FAM114A1: variants seen among roughly 807,000 people sequenced by gnomAD.
The protein encoded by FAM114A1 is protein NOXP20.
FAM114A1 carries 62 observed loss-of-function variants against 64.3 expected under a neutral mutation model. The observed-to-expected ratio is 0.96, with a 90% CI of 0.79 to 1.19. The LOEUF (loss-of-function observed/expected upper bound fraction) is 1.19, where lower values mean the gene tolerates loss of function less well. Among genes scored for constraint, FAM114A1 ranks in the 50% most tolerant of loss-of-function variants. FAM114A1 has a pLI of 0.00. For synonymous variants in FAM114A1, 254 were observed against 251.1 expected (o/e 1.01, Z -0.11); for missense variants, 645 against 676.3 (o/e 0.95, Z 0.51).
At position 38,944,295 on chromosome 4, in the gene FAM114A1, C is replaced by T. The variant is rs2109826951; in HGVS notation, c.*738C>T. 1 of 152,186 alleles carries T rather than the reference C, an allele frequency of 6.6e-6. No individual in the cohort carries two copies. Among genetic ancestry groups the T allele is most frequent in the Middle Eastern group, 3.4e-3 (1 of 294 alleles). 9.4% of individuals were successfully genotyped at this position (152,186 alleles called of 1,614,324 possible). ...CCATGTTGGCCAGGATGGTCTCGATCTCCTGACCTCGTGATCTGCCCGCCT... is the reference window on the plus strand; with the variant it reads ...CCATGTTGGCCAGGATGGTCTCGATTTCCTGACCTCGTGATCTGCCCGCCT... On this transcript the variant is annotated 3_prime_UTR_variant, in exon 15 of 15. Transcript: ENST00000358869.
At chr4:38,909,416 T>C (rs566301121) in intron 7 of FAM114A1, among the ~76,000 whole-genome samples, 1 of 152,316 alleles carries the variant, frequency 6.6e-6, no homozygotes, top group Non-Finnish European at 1.5e-5. Flanking sequence ...TCTCTTGATA[T>C]GTGCAAGGAT....
At chr4:38,883,036 A>T (rs1715451015) in intron 3 of FAM114A1, among the ~76,000 whole-genome samples, 1 of 152,210 alleles carries the variant, frequency 6.6e-6, no homozygotes, top group Non-Finnish European at 1.5e-5. Flanking sequence ...AAGCCATTGA[A>T]TTGAGCCTTC....
At chr4:38,868,073 G>C in intron 1 of FAM114A1, 1 of 415,650 alleles carries the variant, frequency 2.4e-6, no homozygotes. Context: ...GTGTGTGTGA[G>C]TGTGTGTCGC....
chr4:38,896,675 G>A (rs1716972099), intron 4 of FAM114A1, among the ~76,000 whole-genome samples: 1 of 152,220 alleles, frequency 6.6e-6, no homozygotes, highest in Non-Finnish European at 1.5e-5. Context: ...ACTATCTTGG[G>A]ATTGAGAGAG....
Position 38,945,101 on chromosome 4 carries a change from G to A in FAM114A1, c.*1544G>A, listed in dbSNP as rs547039374. 7.9e-5 allele frequency: 12 copies of A among 152,196 alleles called. No homozygotes were observed. Among genetic ancestry groups the A allele is most frequent in the African/African-American group, 2.2e-4 (9 of 41,514 alleles). The allele number at this position is 152,196 out of a possible 1,614,324, so 9.4% of individuals were successfully genotyped here. A position where few individuals can be genotyped will look rare whatever the true frequency, so the allele number is the denominator to read the frequency against. ...ATTTAGTTTAAAATTAATTTCTTACGATCACGAGCACATGGTGGCATAATT... is the reference window on the plus strand; with the variant it reads ...ATTTAGTTTAAAATTAATTTCTTACAATCACGAGCACATGGTGGCATAATT... On this transcript the variant is annotated 3_prime_UTR_variant, in exon 15 of 15. Coordinates refer to ENST00000358869, the MANE Select transcript of FAM114A1 (RefSeq NM_138389.4).
At chr4:38,895,615 G>A (rs531805954) in intron 4 of FAM114A1, among the ~76,000 whole-genome samples, 18 of 152,160 alleles carry the variant, frequency 1.2e-4, no homozygotes, top group Non-Finnish European at 2.2e-4. Context: ...TACATCTGGG[G>A]ACAAGAATCT....
chr4:38,927,483 G>A (rs1720228786), intron 9 of FAM114A1, among the ~76,000 whole-genome samples: 1 of 151,976 alleles, frequency 6.6e-6, no homozygotes, highest in Admixed American at 6.6e-5. Flanking sequence ...CCCACTTCAT[G>A]ATCTAATCAC....
At chr4:38,900,125 C>T (rs1311869992) in intron 4 of FAM114A1, among the ~76,000 whole-genome samples, 2 of 151,832 alleles carry the variant, frequency 1.3e-5, no homozygotes, top group Non-Finnish European at 2.9e-5. Context: ...TAGGGAAATG[C>T]TAATCAAAAC....
intron 3 of FAM114A1, among the ~76,000 whole-genome samples, chr4:38,888,276 G>A (rs185296969): frequency 2.4e-3 from 370 of 151,838 alleles, no homozygotes; most frequent in Non-Finnish European, 3.7e-3. Context: ...CTAGCACTTC[G>A]AGAGACCAAG....
At chr4:38,898,475 G>A (rs144218900) in intron 4 of FAM114A1, among the ~76,000 whole-genome samples, 8 of 152,252 alleles carry the variant, frequency 5.3e-5, no homozygotes, top group South Asian at 2.1e-4. Flanking sequence ...TGTCGATAGC[G>A]CATGGATTCA....
At chr4:38,940,394 G>A (rs78693927) in intron 13 of FAM114A1, among the ~76,000 whole-genome samples, 38,287 of 151,772 alleles carry the variant, frequency 0.25, 5,410 homozygotes, top group African/African-American at 0.35. Context: ...AAAAAAAAGG[G>A]GTAGACCAGG....
intron 8 of FAM114A1, 137 bp downstream of exon 8, chr4:38,915,210 A>G (rs1001723754): frequency 6.4e-6 from 7 of 1,094,622 alleles, no homozygotes; most frequent in African/African-American, 1.6e-5. Context: ...GAAATACTGT[A>G]CAATGGGATG....
chr4:38,909,594 A>G (rs1293692628), intron 7 of FAM114A1, among the ~76,000 whole-genome samples: 1 of 152,228 alleles, frequency 6.6e-6, no homozygotes, highest in Non-Finnish European at 1.5e-5. Context: ...ACTTTTCCAG[A>G]TGGAACATGC....
At chr4:38,868,080 T>C (rs1297263356) in intron 1 of FAM114A1, 2 of 414,032 alleles carry the variant, frequency 4.8e-6, no homozygotes, top group Non-Finnish European at 9.9e-6. Context: ...TGAGTGTGTG[T>C]CGCTCCGGGT....
chr4:38,908,471 A>C, intron 6 of FAM114A1, 121 bp from the exon 7 acceptor site: 1 of 969,676 alleles, frequency 1.0e-6, no homozygotes, highest in East Asian at 2.7e-5. Flanking sequence ...CTGATGAGAA[A>C]AAATTGTGAC....
rs1434631831 is a variant in FAM114A1, at chr4:38,878,348, A to G, written c.270A>G (p.Thr90=). Residue 90 remains threonine (T), a synonymous_variant, in exon 3 of 15, where the codon ACA becomes ACG. Coordinates refer to ENST00000358869, the MANE Select transcript of FAM114A1 (RefSeq NM_138389.4). Reference sequence around the variant, plus strand: ...TCAATGGAGACGTGACTGAGGATACACTTGCTGAATGTATTGATTCCGTCA... The same window carrying G: ...TCAATGGAGACGTGACTGAGGATACGCTTGCTGAATGTATTGATTCCGTCA... ...PPLNGDVTED[T]LAECIDSVSL... 1.2e-6 allele frequency: 2 copies of G among 1,614,046 alleles called. No individual in the cohort carries two copies. Among genetic ancestry groups the G allele is most frequent in the South Asian group, 1.1e-5 (1 of 91,082 alleles).
chr4:38,932,488 T>G, intron 12 of FAM114A1, 114 bp downstream of exon 12: 1 of 1,136,700 alleles, frequency 8.8e-7, no homozygotes, highest in Non-Finnish European at 1.2e-6. Flanking sequence ...AGGTTTCTTT[T>G]TGTTTGTTTT....
intron 3 of FAM114A1, among the ~76,000 whole-genome samples, chr4:38,883,730 G>A (rs180948939): frequency 7.9e-5 from 12 of 152,318 alleles, no homozygotes; most frequent in African/African-American, 1.4e-4. Context: ...CTCCTAAACC[G>A]GATGAGCAGA....
intron 13 of FAM114A1, among the ~76,000 whole-genome samples, chr4:38,939,818 G>C (rs1390282370): frequency 4.6e-5 from 7 of 151,736 alleles, no homozygotes; most frequent in African/African-American, 1.5e-4. Flanking sequence ...AGACAGAGAA[G>C]ACTATTGATT....
Sources: gnomAD v4.1 joint callset for allele counts (sites outside exome capture counted in the v4.1 genomes callset) on GRCh38, gnomAD v4.1.1 for gene constraint, MANE v1.5 for transcripts, NCBI Gene and HGNC (gene_info 2026-07-23, HGNC 2026-07-21) for gene names.